The following MTCL1 variants were observed in gnomAD, a reference collection of about 807,000 sequenced individuals.
MTCL1 encodes microtubule cross-linking factor 1.
MTCL1 carries 79 observed loss-of-function variants against 141.4 expected under a neutral mutation model. The ratio of observed to expected loss-of-function variants is 0.56; its 90% CI spans 0.47 to 0.67. MTCL1 has a LOEUF of 0.67. MTCL1 is among the 30% of genes least tolerant of loss of function. MTCL1 has a pLI of 0.00. For missense variants in MTCL1, 2,177 were observed against 2,113.9 expected (o/e 1.03, Z -0.59); for synonymous variants, 914 against 875.8 (o/e 1.04, Z -0.77).
chr18:8,826,052 G>A (rs115327884), exon 15 of MTCL1: 10 of 1,611,914 alleles, frequency 6.2e-6, no homozygotes, highest in Middle Eastern at 1.6e-4. Context: ...GCACGCCAGT[G>A]AAGCAGGACT....
At chr18:8,788,674 G>A (rs1285512336) in intron 7 of MTCL1, among the ~76,000 whole-genome samples, 2 of 152,212 alleles carry the variant, frequency 1.3e-5, no homozygotes, top group African/African-American at 4.8e-5. Context: ...AATCTGGGCA[G>A]TGGAGGAGCC....
chr18:8,757,478 G>C (rs776455135), intron 4 of MTCL1, among the ~76,000 whole-genome samples: 12 of 152,274 alleles, frequency 7.9e-5, no homozygotes, highest in Admixed American at 1.3e-4. Flanking sequence ...TTTCCATAAA[G>C]TTTTTATAGA....
chr18:8,824,979 C>G (rs1241335488), exon 15 of MTCL1: 3 of 1,613,448 alleles, frequency 1.9e-6, no homozygotes, highest in East Asian at 4.5e-5. Flanking sequence ...CTCCTGGTAC[C>G]TAACCACAAG....
At chr18:8,752,856 C>G (rs560724322) in intron 4 of MTCL1, among the ~76,000 whole-genome samples, 1 of 152,224 alleles carries the variant, frequency 6.6e-6, no homozygotes, top group East Asian at 1.9e-4. Context: ...GGGCTTTGGA[C>G]AGTGCACAGT....
chr18:8,731,104 C>G (rs957972052), intron 4 of MTCL1, among the ~76,000 whole-genome samples: 3 of 151,706 alleles, frequency 2.0e-5, no homozygotes, highest in African/African-American at 7.3e-5. Flanking sequence ...AATTAGCCGG[C>G]CGTGGTGGCG....
In MTCL1 at chr18:8,730,795, AGATT is replaced by A. The variant is rs1003233025; in HGVS notation, c.357+10302_357+10305del. On this transcript the variant is annotated intron_variant, in intron 4 of 16. Coordinates refer to ENST00000359865, the Ensembl canonical transcript of MTCL1. ...AACATTACTTTGCAGACTTCCTGAGAGATTGAAGATCCATCTATTTCTCTCCTTC... is the reference window on the plus strand; with the variant it reads ...AACATTACTTTGCAGACTTCCTGAGAGAAGATCCATCTATTTCTCTCCTTC... 3.2e-4 allele frequency among the ~76,000 whole-genome samples: 49 copies of A among 152,212 alleles called. 1 individual carries two copies. Among genetic ancestry groups the A allele is most frequent in the African/African-American group, 1.1e-3 (46 of 41,444 alleles).
intron 5 of MTCL1, 141 bp from the exon 5 acceptor site, chr18:8,783,389 T>C (rs1226035810): frequency 1.2e-6 from 1 of 814,322 alleles, no homozygotes; most frequent in Non-Finnish European, 1.9e-6. Context: ...GCTGTTTCTC[T>C]ATGTAACTCA....
chr18:8,815,383 C>T (rs2076618681), intron 12 of MTCL1, among the ~76,000 whole-genome samples: 1 of 151,988 alleles, frequency 6.6e-6, no homozygotes, highest in Admixed American at 6.5e-5. Flanking sequence ...AAAAACCGAA[C>T]ACCGCATATT....
chr18:8,824,573 G>A, intron 14 of MTCL1, 126 bp from the exon 14 acceptor site: 1 of 725,038 alleles, frequency 1.4e-6, no homozygotes, highest in Non-Finnish European at 2.3e-6. Context: ...AGCTGACAGT[G>A]TTCTCCTGGT....
rs546969651 is a variant in MTCL1, at chr18:8,747,684, G to C, written c.357+27188G>C. Among the ~76,000 whole-genome samples, 45 of 152,324 alleles carry C rather than the reference G, an allele frequency of 3.0e-4. 1 individual carries two copies. The highest frequency in any genetic ancestry group is 1.1e-3 in the African/African-American group (45 of 41,564). The stretch of plus-strand genomic sequence containing the variant: ...TTCCCCAGCACTGGGGGTAGCACTT[G>C]AACATATCTTCTTGGGGAAATAGTT... On this transcript the variant is annotated intron_variant, in intron 4 of 16. Coordinates refer to ENST00000359865, the Ensembl canonical transcript of MTCL1.
intron 4 of MTCL1, among the ~76,000 whole-genome samples, chr18:8,732,028 C>A (rs76780005): frequency 0.034 from 5,231 of 152,194 alleles, 201 homozygotes; most frequent in African/African-American, 0.089. Flanking sequence ...GTATTTGATT[C>A]TCTTGGGGTC....
exon 10 of MTCL1, chr18:8,798,198 T>C (rs757944142): frequency 1.6e-5 from 26 of 1,598,348 alleles, no homozygotes; most frequent in Non-Finnish European, 2.1e-5. Flanking sequence ...GCTGTGGCTT[T>C]CCAGTGGGGG....
At chr18:8,784,886 TTCC>T in intron 6 of MTCL1, 43 bp downstream of exon 5, 1 of 1,490,906 alleles carries the variant, frequency 6.7e-7, no homozygotes, top group Middle Eastern at 1.8e-4. Context: ...CGCCTTGCTC[TTCC>T]TCCTTCTCGC....
chr18:8,726,963 C>T (rs779543807), intron 4 of MTCL1, among the ~76,000 whole-genome samples: 7 of 152,274 alleles, frequency 4.6e-5, no homozygotes, highest in Middle Eastern at 6.8e-3. Context: ...ATTCTCCCCG[C>T]TTAAGGACTC....
At chr18:8,785,706 C>G (rs935887695) in intron 6 of MTCL1, 1 of 567,292 alleles carries the variant, frequency 1.8e-6, no homozygotes, top group East Asian at 3.1e-5. Flanking sequence ...CCACCCGCCC[C>G]TTTGCTCATC....
At chr18:8,785,769 T>G in intron 6 of MTCL1, 167 bp from the exon 6 acceptor site, 1 of 754,542 alleles carries the variant, frequency 1.3e-6, no homozygotes, top group Non-Finnish European at 2.1e-6. Context: ...TTTAAGCCTG[T>G]GTTTCTGTTC....
intron 1 of MTCL1, among the ~76,000 whole-genome samples, chr18:8,711,632 G>A (rs1285913078): frequency 6.6e-6 from 1 of 151,896 alleles, no homozygotes; most frequent in Non-Finnish European, 1.5e-5. Flanking sequence ...GCATTTCTCT[G>A]ATGGCCAGTG....
chr18:8,776,458 G>GT (rs2096509183), intron 4 of MTCL1, among the ~76,000 whole-genome samples: 1 of 152,168 alleles, frequency 6.6e-6, no homozygotes, highest in Non-Finnish European at 1.5e-5. Context: ...TCATACTCCT[G>GT]TTTGTATTTT....
rs751973456 is a variant in MTCL1 at position 8,793,121 on chromosome 18, G to A, written c.2010+1G>A. 4.2e-5 allele frequency: 67 copies of A among 1,613,342 alleles called. No individual in the cohort carries two copies. Among genetic ancestry groups the A allele is most frequent in the Non-Finnish European group, 5.4e-5 (64 of 1,179,690 alleles). On this transcript the variant is annotated splice_donor_variant, in intron 8 of 16. Coordinates refer to ENST00000359865, the Ensembl canonical transcript of MTCL1. LOFTEE classifies it high-confidence loss of function. ...GACATTTACAAACAAGATCCATAAGGTAAATATTTAACACGGACTCAGCAC... is the reference window on the plus strand; with the variant it reads ...GACATTTACAAACAAGATCCATAAGATAAATATTTAACACGGACTCAGCAC...
Sources: allele counts gnomAD v4.1 joint callset (sites outside exome capture counted in the v4.1 genomes callset), GRCh38; gene constraint gnomAD v4.1.1; transcripts MANE v1.5; gene names NCBI Gene and HGNC (gene_info 2026-07-23, HGNC 2026-07-21).